The following SNRPN variants were observed in gnomAD, a reference collection of about 807,000 sequenced individuals.
The protein encoded by SNRPN is small nuclear ribonucleoprotein-associated protein N.
SNRPN carries 7 observed loss-of-function variants against 25.2 expected under a neutral mutation model. The observed-to-expected ratio is 0.28, with a 90% CI of 0.16 to 0.52. SNRPN has a LOEUF of 0.52. SNRPN is among the 20% of genes least tolerant of loss of function. The probability of loss-of-function intolerance (pLI) is 0.96; values close to 1 mark genes in which losing one functional copy is unlikely to be tolerated. For missense variants in SNRPN, 196 were observed against 322.5 expected (o/e 0.61, Z 3.00); for synonymous variants, 124 against 110.6 (o/e 1.12, Z -0.76).
intron 3 of SNRPN, among the ~76,000 whole-genome samples, chr15:24,941,835 G>T (rs1031825891): frequency 6.6e-6 from 1 of 152,036 alleles, no homozygotes; most frequent in East Asian, 1.9e-4. Context: ...CTGCAGTGCA[G>T]TGGCGCAATC....
At chr15:24,873,843 G>C (rs962777878) in intron 1 of SNRPN, among the ~76,000 whole-genome samples, 1 of 152,008 alleles carries the variant, frequency 6.6e-6, no homozygotes, top group Admixed American at 6.6e-5. Flanking sequence ...TGATGACCTG[G>C]AGTGAGAGAT....
chr15:24,869,007 T>C (rs1351578973), intron 1 of SNRPN, among the ~76,000 whole-genome samples: 2 of 152,032 alleles, frequency 1.3e-5, no homozygotes, highest in African/African-American at 2.4e-5. Flanking sequence ...TAGCCAGGCA[T>C]GGTGGTGCAC....
In SNRPN at chr15:24,977,636, C is replaced by CA. The variant is rs200156917; in HGVS notation, c.421-133dup. On this transcript the variant is annotated intron_variant, in intron 7 of 9. Transcript: ENST00000390687. ...CTGGGTGACAAGAGTGAAACTGTCTCAAAAAAAAACATGGGAATAATGAGA... is the reference window on the plus strand; with the variant it reads ...CTGGGTGACAAGAGTGAAACTGTCTCAAAAAAAAAACATGGGAATAATGAGA... The CA allele has an allele frequency of 4.8e-3, 3,811 of 801,752 alleles. 3 individuals carry two copies. Among genetic ancestry groups the CA allele is most frequent in the African/African-American group, 9.3e-3 (513 of 54,970 alleles). The allele number at this position is 801,752 out of a possible 1,614,324, so 49.7% of individuals were successfully genotyped here. A position where few individuals can be genotyped will look rare whatever the true frequency, so the allele number is the denominator to read the frequency against.
chr15:24,842,278 G>A (rs74005371), intron 2 of SNRPN, among the ~76,000 whole-genome samples: 3,890 of 152,274 alleles, frequency 0.026, 164 homozygotes, highest in African/African-American at 0.09. Context: ...CCAGCCATCA[G>A]GAATAGGAGT....
At chr15:24,936,616 T>G (rs2061251541) in intron 3 of SNRPN, among the ~76,000 whole-genome samples, 1 of 152,084 alleles carries the variant, frequency 6.6e-6, no homozygotes, top group African/African-American at 2.4e-5. Context: ...CTAAGAAACT[T>G]GCATCATGGC....
At chr15:24,883,516 C>G (rs568416730) in intron 1 of SNRPN, among the ~76,000 whole-genome samples, 1 of 152,220 alleles carries the variant, frequency 6.6e-6, no homozygotes, top group African/African-American at 2.4e-5. Flanking sequence ...AACCTCTGTC[C>G]CTGCATCCTC....
At chr15:24,976,525 T>C (rs2077077929) in intron 6 of SNRPN, 109 bp downstream of exon 6, 1 of 809,326 alleles carries the variant, frequency 1.2e-6, no homozygotes, top group Middle Eastern at 2.5e-4. Context: ...GATTGTCAAA[T>C]AAAATGTGCC....
At chr15:24,952,899 A>G (rs565698324), upstream of SNRPN, among the ~76,000 whole-genome samples, 154 of 152,268 alleles carry the variant, frequency 1.0e-3, 2 homozygotes, top group African/African-American at 3.6e-3. Flanking sequence ...TGGTGTCCAC[A>G]ATGGAAAAAG....
At chr15:24,852,768 T>TG (rs2052989032), upstream of SNRPN, among the ~76,000 whole-genome samples, 1 of 151,870 alleles carries the variant, frequency 6.6e-6, no homozygotes, top group African/African-American at 2.4e-5. Flanking sequence ...CTAAAAAAAA[T>TG]GCAAAAAATT....
At chr15:24,956,675 T>A (rs1368565460) in intron 1 of SNRPN, among the ~76,000 whole-genome samples, 2 of 152,150 alleles carry the variant, frequency 1.3e-5, no homozygotes, top group East Asian at 3.9e-4. Flanking sequence ...ACAGCAGCTG[T>A]TCCTTTCCGG....
chr15:24,946,960 A>G (rs2061929942), intron 3 of SNRPN, among the ~76,000 whole-genome samples: 1 of 152,172 alleles, frequency 6.6e-6, no homozygotes, highest in South Asian at 2.1e-4. Context: ...ATTTCAAACC[A>G]TCTAGTCTTT....
intron 1 of SNRPN, among the ~76,000 whole-genome samples, chr15:24,877,437 G>A (rs978062978): frequency 2.0e-5 from 3 of 152,148 alleles, no homozygotes; most frequent in Non-Finnish European, 1.5e-5. Context: ...AAAAAAGGTG[G>A]GGTCCAGGAA....
At chr15:24,873,780 A>G (rs1044735907) in intron 1 of SNRPN, among the ~76,000 whole-genome samples, 1 of 152,088 alleles carries the variant, frequency 6.6e-6, no homozygotes, top group Admixed American at 6.6e-5. Context: ...ATCACGGAGT[A>G]TATTCTCTAC....
chr15:24,834,008 C>T (rs1296998656), intron 2 of SNRPN, among the ~76,000 whole-genome samples: 1 of 152,120 alleles, frequency 6.6e-6, no homozygotes, highest in African/African-American at 2.4e-5. Flanking sequence ...TCACTGCAAC[C>T]TCCACCTACC....
chr15:24,827,618 C>T (rs1039446333), intron 1 of SNRPN, among the ~76,000 whole-genome samples: 1 of 151,550 alleles, frequency 6.6e-6, no homozygotes, highest in African/African-American at 2.4e-5. Context: ...TCTGTAATCC[C>T]AGCACTTTGG....
At chr15:24,885,996 C>G (rs567563093) in intron 1 of SNRPN, among the ~76,000 whole-genome samples, 1 of 152,136 alleles carries the variant, frequency 6.6e-6, no homozygotes, top group African/African-American at 2.4e-5. Context: ...AGTACATAGC[C>G]TCACTTCTCT....
intron 2 of SNRPN, among the ~76,000 whole-genome samples, chr15:24,837,052 C>T (rs2051258241): frequency 6.6e-6 from 1 of 151,940 alleles, no homozygotes; most frequent in Admixed American, 6.6e-5. Context: ...CTTAGTGTGC[C>T]AGGGTGCCAT....
chr15:24,845,434 C>G (rs2052103257), intron 2 of SNRPN, among the ~76,000 whole-genome samples: 1 of 152,042 alleles, frequency 6.6e-6, no homozygotes, highest in Non-Finnish European at 1.5e-5. Context: ...CCCATCTCTA[C>G]TAAAAATACA....
chr15:24,976,545 A>G (rs1425659312), intron 6 of SNRPN, 129 bp downstream of exon 6: 4 of 731,286 alleles, frequency 5.5e-6, no homozygotes, highest in Non-Finnish European at 7.0e-6. Flanking sequence ...CAGGCACTTA[A>G]TATCAATTGT....
Sources: allele counts gnomAD v4.1 joint callset (sites outside exome capture counted in the v4.1 genomes callset), GRCh38; gene constraint gnomAD v4.1.1; transcripts MANE v1.5; gene names NCBI Gene and HGNC (gene_info 2026-07-23, HGNC 2026-07-21).